Variants in DYNC1I1 observed in about 807,000 individuals in gnomAD.
DYNC1I1 encodes the protein dynein cytoplasmic 1 intermediate chain 1.
In DYNC1I1, 43 loss-of-function variants were observed where a neutral mutation model predicts 86.6. That is an observed-to-expected ratio of 0.50 (90% CI 0.39 to 0.64). DYNC1I1 has a LOEUF of 0.64. Ranked by LOEUF, DYNC1I1 falls within the 30% of genes least tolerant of loss-of-function variation. The probability of loss-of-function intolerance (pLI) is 0.00; values close to 1 mark genes in which losing one functional copy is unlikely to be tolerated. For missense variants in DYNC1I1, 604 were observed against 788.8 expected (o/e 0.77, Z 2.81); for synonymous variants, 262 against 283.7 (o/e 0.92, Z 0.77).
At chr7:96,007,965 C>T (rs867660683) in intron 10 of DYNC1I1, among the ~76,000 whole-genome samples, 3 of 152,126 alleles carry the variant, frequency 2.0e-5, no homozygotes, top group African/African-American at 7.2e-5. Flanking sequence ...TGTGTTCCTA[C>T]GGTGAAGTAA....
intron 4 of DYNC1I1, among the ~76,000 whole-genome samples, chr7:95,817,450 G>T (rs1407555355): frequency 6.6e-6 from 1 of 152,014 alleles, no homozygotes; most frequent in Non-Finnish European, 1.5e-5. Context: ...ACCCCATAAG[G>T]TTATTGTGAG....
chr7:95,952,173 T>C (rs1005137624), intron 6 of DYNC1I1, among the ~76,000 whole-genome samples: 4 of 152,118 alleles, frequency 2.6e-5, no homozygotes, highest in African/African-American at 9.7e-5. Context: ...TTTTCTCCTT[T>C]CCCTGCTTTC....
chr7:96,067,034 A>G (rs929967237), intron 14 of DYNC1I1, among the ~76,000 whole-genome samples: 12 of 152,288 alleles, frequency 7.9e-5, no homozygotes, highest in Admixed American at 3.9e-4. Flanking sequence ...AAGGGACCTT[A>G]CCGTGTTTTA....
At chr7:95,793,487 G>A (rs954347030) in intron 1 of DYNC1I1, among the ~76,000 whole-genome samples, 5 of 152,094 alleles carry the variant, frequency 3.3e-5, no homozygotes, top group East Asian at 1.9e-4. Flanking sequence ...TGGAAGTTGC[G>A]GCCTATAGGT....
intron 5 of DYNC1I1, among the ~76,000 whole-genome samples, chr7:95,868,091 G>A (rs1268537440): frequency 2.0e-5 from 3 of 152,198 alleles, no homozygotes; most frequent in Non-Finnish European, 4.4e-5. Flanking sequence ...TTTGTCACTT[G>A]TGCAAAGCTC....
At chr7:95,784,022 G>A (rs1190668467) in intron 1 of DYNC1I1, among the ~76,000 whole-genome samples, 4 of 152,136 alleles carry the variant, frequency 2.6e-5, no homozygotes, top group African/African-American at 9.7e-5. Flanking sequence ...TTGACTTCCT[G>A]AAATGTACCA....
At chr7:96,108,267 C>T (rs970666784) in intron 16 of DYNC1I1, among the ~76,000 whole-genome samples, 8 of 152,102 alleles carry the variant, frequency 5.3e-5, no homozygotes, top group African/African-American at 1.7e-4. Context: ...TGTCCTGCAA[C>T]GAACCCATTG....
intron 6 of DYNC1I1, among the ~76,000 whole-genome samples, chr7:95,949,419 T>C (rs1584191636): frequency 1.3e-5 from 2 of 152,348 alleles, no homozygotes; most frequent in East Asian, 1.9e-4. Flanking sequence ...AATTCACCTC[T>C]TGGAAACCCC....
At chr7:95,969,657 A>G (rs1287262930) in intron 6 of DYNC1I1, among the ~76,000 whole-genome samples, 2 of 152,138 alleles carry the variant, frequency 1.3e-5, no homozygotes, top group Non-Finnish European at 2.9e-5. Flanking sequence ...CAAGTTTCAG[A>G]AACAGCTGCT....
chr7:95,872,314 A>G (rs1790194356), intron 6 of DYNC1I1, among the ~76,000 whole-genome samples: 1 of 152,238 alleles, frequency 6.6e-6, no homozygotes, highest in Non-Finnish European at 1.5e-5. Flanking sequence ...TCTGGCATAT[A>G]TAACATCCAC....
At chr7:95,814,087 A>G (rs1794895874) in intron 4 of DYNC1I1, among the ~76,000 whole-genome samples, 1 of 152,184 alleles carries the variant, frequency 6.6e-6, no homozygotes, top group Non-Finnish European at 1.5e-5. Context: ...GCCGGGGTCC[A>G]CAGGCAGGAA....
intron 6 of DYNC1I1, among the ~76,000 whole-genome samples, chr7:95,942,774 C>T (rs1792269042): frequency 6.9e-6 from 1 of 145,562 alleles, no homozygotes; most frequent in Non-Finnish European, 1.5e-5. Flanking sequence ...ACAAAAACCA[C>T]ATGATTATCT....
At chr7:95,860,912 C>A (rs979682328) in intron 5 of DYNC1I1, among the ~76,000 whole-genome samples, 2 of 149,280 alleles carry the variant, frequency 1.3e-5, no homozygotes, top group African/African-American at 4.9e-5. Context: ...TTCTAAAAGA[C>A]CCCCCATCTT....
downstream of DYNC1I1, among the ~76,000 whole-genome samples, chr7:96,098,581 G>A (rs999122068): frequency 6.6e-6 from 1 of 152,140 alleles, no homozygotes; most frequent in African/African-American, 2.4e-5. Context: ...AAGACTCCTA[G>A]TTTTATTTTT....
chr7:95,956,260 T>G (rs1044447711), intron 6 of DYNC1I1, among the ~76,000 whole-genome samples: 11 of 152,052 alleles, frequency 7.2e-5, no homozygotes, highest in Non-Finnish European at 1.5e-4. Flanking sequence ...ATTAAGTGCT[T>G]ATTTGCTAGC....
chr7:95,976,515 G>A (rs547542117), intron 6 of DYNC1I1, among the ~76,000 whole-genome samples: 68 of 152,228 alleles, frequency 4.5e-4, no homozygotes, highest in Non-Finnish European at 1.8e-4. Context: ...TGATGGAAAC[G>A]GGACTATCTA....
At chr7:96,067,497 T>C (rs1584294581) in intron 14 of DYNC1I1, among the ~76,000 whole-genome samples, 1 of 151,918 alleles carries the variant, frequency 6.6e-6, no homozygotes, top group African/African-American at 2.4e-5. Flanking sequence ...GAGAATACTT[T>C]GACTTTGAAA....
At chr7:95,944,423 A>T (rs987193246) in intron 6 of DYNC1I1, among the ~76,000 whole-genome samples, 1 of 152,162 alleles carries the variant, frequency 6.6e-6, no homozygotes, top group Non-Finnish European at 1.5e-5. Context: ...TACACTGTTG[A>T]TGGGACTGTA....
At chr7:95,869,738 C>T in intron 5 of DYNC1I1, 145 bp from the exon 6 acceptor site, 1 of 786,290 alleles carries the variant, frequency 1.3e-6, no homozygotes, top group Non-Finnish European at 2.1e-6. Context: ...AGCCCAGAGC[C>T]AGTTCTGCTT....
Sources: gnomAD v4.1 joint callset for allele counts (sites outside exome capture counted in the v4.1 genomes callset) on GRCh38, gnomAD v4.1.1 for gene constraint, MANE v1.5 for transcripts, NCBI Gene and HGNC (gene_info 2026-07-23, HGNC 2026-07-21) for gene names.